The following ATP8B1 variants were observed in gnomAD, a reference collection of about 807,000 sequenced individuals.
ATP8B1 encodes ATPase phospholipid transporting 8B1.
ATP8B1 carries 80 observed loss-of-function variants against 149.9 expected under a neutral mutation model. The observed-to-expected ratio is 0.53, with a 90% CI of 0.45 to 0.64. ATP8B1 has a LOEUF of 0.64. Among genes scored for constraint, ATP8B1 ranks in the 30% least tolerant of loss-of-function variants. The pLI is 0.00. For synonymous variants in ATP8B1, 536 were observed against 562.8 expected (o/e 0.95, Z 0.67); for missense variants, 1,247 against 1,552.6 (o/e 0.80, Z 3.31).
chr18:57,734,742 T>C (rs548314853), intron 1 of ATP8B1, among the ~76,000 whole-genome samples: 3 of 152,298 alleles, frequency 2.0e-5, no homozygotes, highest in African/African-American at 4.8e-5. Context: ...ATCTTATGGC[T>C]TCACAGAATA....
chr18:57,786,130 G>A (rs750464691), intron 1 of ATP8B1, among the ~76,000 whole-genome samples: 2 of 152,114 alleles, frequency 1.3e-5, no homozygotes, highest in African/African-American at 4.8e-5. Flanking sequence ...TAAGAACTGC[G>A]CTGGGGGCTG....
At chr18:57,783,092 C>T (rs1021623410) in intron 1 of ATP8B1, among the ~76,000 whole-genome samples, 25 of 152,112 alleles carry the variant, frequency 1.6e-4, no homozygotes, top group African/African-American at 5.3e-4. Context: ...GGATTACAGG[C>T]GTGAGCCACG....
chr18:57,799,704 C>CAAAAAAA (rs4059219), intron 1 of ATP8B1, among the ~76,000 whole-genome samples: 1 of 111,008 alleles, frequency 9.0e-6, no homozygotes, highest in Non-Finnish European at 1.9e-5. Context: ...GACTCTGTCT[C>CAAAAAAA]AAAAAAAAAA....
At chr18:57,728,975 C>A (rs189363790) in intron 2 of ATP8B1, among the ~76,000 whole-genome samples, 192 of 152,154 alleles carry the variant, frequency 1.3e-3, no homozygotes, top group African/African-American at 4.2e-3. Context: ...CTTCCTTGGC[C>A]TCCCAAAGTG....
At chr18:57,678,294 ACTT>A (rs1366810250) in intron 15 of ATP8B1, among the ~76,000 whole-genome samples, 2 of 152,102 alleles carry the variant, frequency 1.3e-5, no homozygotes, top group African/African-American at 4.8e-5. Context: ...GTGTTGAAAA[ACTT>A]ACTATTAGGG....
At position 57,647,747 on chromosome 18, in the gene ATP8B1, T is replaced by A. The variant is rs970265600; in HGVS notation, c.*741A>T. The A allele has an allele frequency of 8.5e-5, 13 of 153,520 alleles. No individual in the cohort carries two copies. Among genetic ancestry groups the A allele is most frequent in the Admixed American group, 7.1e-4 (11 of 15,480 alleles). The allele number at this position is 153,520 out of a possible 1,614,324, so 9.5% of individuals were successfully genotyped here. On this transcript the variant is annotated 3_prime_UTR_variant, in exon 28 of 28. Transcript: ENST00000648908. ...TGAATAATAGGACTTTTATTATTAT[T>A]AAAAAATTTTTTTTGAGCTGGTGTC...
chr18:57,655,908 A>G (rs1283695789), intron 22 of ATP8B1, among the ~76,000 whole-genome samples: 1 of 152,202 alleles, frequency 6.6e-6, no homozygotes, highest in Non-Finnish European at 1.5e-5. Context: ...ACTCCCTTGC[A>G]GCTAGGCTCT....
At chr18:57,729,182 C>G (rs2079736333) in intron 2 of ATP8B1, among the ~76,000 whole-genome samples, 1 of 152,140 alleles carries the variant, frequency 6.6e-6, no homozygotes, top group Admixed American at 6.6e-5. Context: ...GCGTCTCTGA[C>G]ATTTCTGCAG....
intron 2 of ATP8B1, among the ~76,000 whole-genome samples, chr18:57,715,685 G>C (rs2079577064): frequency 6.6e-6 from 1 of 152,182 alleles, no homozygotes; most frequent in South Asian, 2.1e-4. Flanking sequence ...CTTTTCAGTG[G>C]AAACCTTATA....
At chr18:57,768,586 C>CAAAA (rs5825235) in intron 1 of ATP8B1, among the ~76,000 whole-genome samples, 1,777 of 96,588 alleles carry the variant, frequency 0.018, 116 homozygotes, top group East Asian at 0.095. Context: ...GTTTACATGC[C>CAAAA]AAAAAAAAAA....
chr18:57,724,195 G>C (rs563240226), intron 2 of ATP8B1, among the ~76,000 whole-genome samples: 1 of 147,316 alleles, frequency 6.8e-6, no homozygotes, highest in African/African-American at 2.5e-5. Flanking sequence ...CATGGGCAAG[G>C]ACTTCATGTC....
At chr18:57,772,834 T>C (rs1340732789) in intron 1 of ATP8B1, among the ~76,000 whole-genome samples, 3 of 152,100 alleles carry the variant, frequency 2.0e-5, no homozygotes, top group Non-Finnish European at 4.4e-5. Flanking sequence ...AGTGAGTTGG[T>C]TCCTGAAGTT....
At chr18:57,792,552 C>T (rs8086635) in intron 1 of ATP8B1, among the ~76,000 whole-genome samples, 16,505 of 152,060 alleles carry the variant, frequency 0.11, 2,835 homozygotes, top group African/African-American at 0.37. Context: ...GGCAAACCCA[C>T]AGAAGCAGAG....
At chr18:57,793,455 G>A (rs2080482630) in intron 1 of ATP8B1, among the ~76,000 whole-genome samples, 1 of 151,806 alleles carries the variant, frequency 6.6e-6, no homozygotes, top group Non-Finnish European at 1.5e-5. Context: ...CCTTCTGCCT[G>A]GACTGGTCTT....
At chr18:57,786,951 A>G (rs1029737239) in intron 1 of ATP8B1, among the ~76,000 whole-genome samples, 1 of 152,252 alleles carries the variant, frequency 6.6e-6, no homozygotes, top group Non-Finnish European at 1.5e-5. Context: ...ATGGAGAACA[A>G]CATCGACTTG....
At chr18:57,657,125 A>G (rs1910058492) in intron 22 of ATP8B1, among the ~76,000 whole-genome samples, 1 of 151,956 alleles carries the variant, frequency 6.6e-6, no homozygotes, top group Admixed American at 6.6e-5. Flanking sequence ...CACTCCTCAA[A>G]TTTAATTTTT....
chr18:57,674,778 G>T, intron 16 of ATP8B1, 56 bp downstream of exon 16: 1 of 1,579,558 alleles, frequency 6.3e-7, no homozygotes, highest in Non-Finnish European at 8.7e-7. Flanking sequence ...TCAATACAAT[G>T]GGCACAAGCA....
At chr18:57,726,974 G>T (rs1228743643) in intron 2 of ATP8B1, among the ~76,000 whole-genome samples, 3 of 152,198 alleles carry the variant, frequency 2.0e-5, no homozygotes, top group Non-Finnish European at 2.9e-5. Context: ...CAGCTACTCG[G>T]GAGGCTGAGG....
At chr18:57,678,389 C>G (rs749243200) in intron 15 of ATP8B1, among the ~76,000 whole-genome samples, 1 of 149,770 alleles carries the variant, frequency 6.7e-6, no homozygotes, top group Non-Finnish European at 1.5e-5. Flanking sequence ...AGTTTGAGAC[C>G]GGCCTGGCCA....
Sources: gnomAD v4.1 joint callset for allele counts (sites outside exome capture counted in the v4.1 genomes callset) on GRCh38, gnomAD v4.1.1 for gene constraint, MANE v1.5 for transcripts, NCBI Gene and HGNC (gene_info 2026-07-23, HGNC 2026-07-21) for gene names.